SLC9C1: variants seen among roughly 807,000 people sequenced by gnomAD.
The protein encoded by SLC9C1 is sodium/hydrogen exchanger 10.
SLC9C1 carries 97 observed loss-of-function variants against 140.9 expected under a neutral mutation model. The ratio of observed to expected loss-of-function variants is 0.69; its 90% CI spans 0.58 to 0.82. The LOEUF is 0.82. SLC9C1 is among the 40% of genes least tolerant of loss of function. The pLI, the probability that SLC9C1 is intolerant of heterozygous loss-of-function variation, is 0.00. For missense variants in SLC9C1, 1,340 were observed against 1,389.3 expected, an observed-to-expected ratio of 0.96 and a Z score of 0.56; for synonymous variants, 440 against 442.6, an observed-to-expected ratio of 0.99 and a Z score of 0.07.
intron 3 of SLC9C1, 124 bp downstream of exon 3, chr3:112,280,558 TC>T (rs2080330647): frequency 1.3e-6 from 1 of 789,924 alleles, no homozygotes; most frequent in Non-Finnish European, 2.0e-6. Context: ...GCTAGCCACA[TC>T]ACAATCATCT....
chr3:112,182,014 A>G lies in SLC9C1; in HGVS notation c.2649+119T>C, dbSNP rs545211480. 153 of 882,436 alleles carry G rather than the reference A, an allele frequency of 1.7e-4. No individual in the cohort carries two copies. The African/African-American group carries it at 2.4e-3, about 14-fold the overall frequency. The allele number at this position is 882,436 out of a possible 1,614,324, so 54.7% of individuals were successfully genotyped here. On this transcript the variant is annotated intron_variant, in intron 21 of 28. Coordinates refer to ENST00000305815, the MANE Select transcript of SLC9C1 (RefSeq NM_183061.3). ...TTCAAAAGGATTTTGATTTTATCCT[A>G]TCAGAAATAAGGAACATTTAGAGAA...
At chr3:112,262,479 A>G (rs781019952) in intron 10 of SLC9C1, among the ~76,000 whole-genome samples, 4 of 151,900 alleles carry the variant, frequency 2.6e-5, no homozygotes, top group African/African-American at 7.2e-5. Context: ...ACATGGTAGA[A>G]GGAGAGTTAT....
chr3:112,193,321 T>C (rs537010664), intron 20 of SLC9C1, among the ~76,000 whole-genome samples: 2 of 152,208 alleles, frequency 1.3e-5, no homozygotes, highest in Non-Finnish European at 2.9e-5. Context: ...TTTAGCTGGC[T>C]TGGAGGCAGG....
intron 20 of SLC9C1, among the ~76,000 whole-genome samples, chr3:112,197,536 T>C (rs1479240274): frequency 6.6e-6 from 1 of 151,894 alleles, no homozygotes; most frequent in Non-Finnish European, 1.5e-5. Context: ...GGAGTAGCTA[T>C]TACTGTGCTA....
chr3:112,172,948 G>T (rs1197841524), intron 23 of SLC9C1, among the ~76,000 whole-genome samples: 1 of 151,900 alleles, frequency 6.6e-6, no homozygotes, highest in Non-Finnish European at 1.5e-5. Context: ...CAACTTGCTA[G>T]TATCTTATTA....
intron 26 of SLC9C1, among the ~76,000 whole-genome samples, chr3:112,157,030 A>G (rs913423822): frequency 6.6e-6 from 1 of 152,034 alleles, no homozygotes; most frequent in African/African-American, 2.4e-5. Flanking sequence ...AGCTTGATAT[A>G]ATCCCACTTG....
intron 10 of SLC9C1, among the ~76,000 whole-genome samples, chr3:112,251,051 T>C (rs186925183): frequency 5.9e-5 from 9 of 152,226 alleles, no homozygotes; most frequent in African/African-American, 1.9e-4. Flanking sequence ...TGGAATACTA[T>C]GCAGTCATAA....
chr3:112,241,729 T>C (rs2079143466), intron 11 of SLC9C1, among the ~76,000 whole-genome samples: 1 of 152,112 alleles, frequency 6.6e-6, no homozygotes, highest in Non-Finnish European at 1.5e-5. Flanking sequence ...CAAAATAACA[T>C]GGTATTGGTA....
rs773974979 is a variant in SLC9C1, at chr3:112,202,251, T to G, written c.2321A>C (p.Gln774Pro). 6.2e-7 allele frequency: 1 copy of G among 1,608,708 alleles called. No homozygotes were observed. The highest frequency in any genetic ancestry group is 8.5e-7 in the Non-Finnish European group (1 of 1,178,206). Reference protein sequence around the residue: ...DQITSSKQIKQMLLKQVIRNM... With the variant: ...DQITSSKQIKPMLLKQVIRNM... Reference sequence around the variant, plus strand: ...TCTTAGGATTTAAGGTTTTCTTACCTGTTTAATCTGTTTAGAACTTGTAAT... The same window carrying G: ...TCTTAGGATTTAAGGTTTTCTTACCGGTTTAATCTGTTTAGAACTTGTAAT... The change falls in exon 18 of 29, where the codon CAG (glutamine) becomes CCG (proline). Residue 774 changes from glutamine to proline, a missense_variant and splice_region_variant. Coordinates refer to ENST00000305815, the MANE Select transcript of SLC9C1 (RefSeq NM_183061.3).
chr3:112,151,775 A>G, intron 28 of SLC9C1, 82 bp downstream of exon 28: 1 of 986,804 alleles, frequency 1.0e-6, no homozygotes. Flanking sequence ...TATCACATAA[A>G]GGGCAAGTAA....
rs555854453 is a variant in SLC9C1, at chr3:112,205,385, G to T, written c.1987-982C>A. Among the ~76,000 whole-genome samples the T allele has an allele frequency of 5.0e-3, 753 of 150,632 alleles. 5 individuals carry two copies. The highest frequency in any genetic ancestry group is 0.017 in the African/African-American group (709 of 40,920). On this transcript the variant is annotated intron_variant, in intron 16 of 28. Transcript: ENST00000305815. The stretch of plus-strand genomic sequence containing the variant: ...TCTTCAAGGAGAACTACAAACCACT[G>T]CTCAACGAAATAAAAGAGGATACAA...
rs928056707 is a variant in SLC9C1, at chr3:112,241,815, GT to G, written c.1280-1810del. ...AGCTGCATGCTTACAGTCATCTGAT[GT>G]TTGACAAAGCTGACAAAAACAGACA... is the stretch of plus-strand genomic sequence containing the variant. On this transcript the variant is annotated intron_variant, in intron 11 of 28. Coordinates refer to ENST00000305815, the MANE Select transcript of SLC9C1 (RefSeq NM_183061.3). 6.6e-4 allele frequency among the ~76,000 whole-genome samples: 101 copies of G among 152,218 alleles called. 1 individual carries two copies. Among genetic ancestry groups the G allele is most frequent in the Non-Finnish European group, 1.3e-3 (85 of 67,986 alleles).
At chr3:112,272,095 C>A (rs544161867) in intron 6 of SLC9C1, among the ~76,000 whole-genome samples, 1 of 152,232 alleles carries the variant, frequency 6.6e-6, no homozygotes, top group Non-Finnish European at 1.5e-5. Flanking sequence ...ACTACACATG[C>A]CTCTAGGCCA....
At chr3:112,161,072 T>A (rs1362524502) in intron 26 of SLC9C1, among the ~76,000 whole-genome samples, 1 of 152,250 alleles carries the variant, frequency 6.6e-6, no homozygotes, top group African/African-American at 2.4e-5. Context: ...TTTCTTCTTT[T>A]GAGAAGTGTC....
chr3:112,200,530 G>A (rs1274365993), intron 19 of SLC9C1, among the ~76,000 whole-genome samples, 181 bp downstream of exon 19: 1 of 152,078 alleles, frequency 6.6e-6, no homozygotes, highest in Non-Finnish European at 1.5e-5. Flanking sequence ...AGTGTGAAGC[G>A]ATATTACACT....
intron 16 of SLC9C1, among the ~76,000 whole-genome samples, chr3:112,204,632 G>A (rs1252335293): frequency 6.6e-6 from 1 of 151,922 alleles, no homozygotes; most frequent in East Asian, 1.9e-4. Context: ...CAGGTATAAT[G>A]AAAACAAACA....
In SLC9C1 at chr3:112,147,441, T is replaced by C. The variant is rs1255437840; in HGVS notation, c.3524+4416A>G. 1.9e-5 allele frequency: 6 copies of C among 309,088 alleles called. No individual in the cohort carries two copies. In the Admixed American group the frequency reaches 2.2e-4, roughly 12 times the overall value. The allele number at this position is 309,088 out of a possible 1,614,324, so 19.1% of individuals were successfully genotyped here. ...CAGTTGCCATTCTTTTCTTTCCTTG[T>C]TTAGAACTCTCTTAACAGTCTCTTG... On this transcript the variant is annotated intron_variant, in intron 28 of 28. Transcript: ENST00000305815.
At chr3:112,186,124 G>A in intron 20 of SLC9C1, 1 of 597,332 alleles carries the variant, frequency 1.7e-6, no homozygotes, top group Non-Finnish European at 2.6e-6. Context: ...TGTATATTCT[G>A]GATATGAGTT....
chr3:112,210,089 T>G (rs989477984), intron 15 of SLC9C1, among the ~76,000 whole-genome samples: 10 of 152,214 alleles, frequency 6.6e-5, no homozygotes, highest in African/African-American at 2.4e-4. Flanking sequence ...GTATACCAAG[T>G]GTGGAAAACA....
Sources: allele counts gnomAD v4.1 joint callset (sites outside exome capture counted in the v4.1 genomes callset), GRCh38; gene constraint gnomAD v4.1.1; transcripts MANE v1.5; gene names NCBI Gene and HGNC (gene_info 2026-07-23, HGNC 2026-07-21).